Variants in CNBD2 observed in about 807,000 individuals in gnomAD.
The protein encoded by CNBD2 is cyclic nucleotide binding domain containing 2.
A neutral mutation model predicts 63.7 loss-of-function variants in CNBD2; 64 were observed. The observed-to-expected ratio is 1.00, with a 90% confidence interval of 0.82 to 1.24. The LOEUF (loss-of-function observed/expected upper bound fraction) is 1.24, where lower values mean the gene tolerates loss of function less well. CNBD2 is among the 50% of genes most tolerant of loss of function. The pLI, the probability that CNBD2 is intolerant of heterozygous loss-of-function variation, is 0.00. For missense variants in CNBD2, 691 were observed against 713.5 expected (o/e 0.97, Z 0.36); for synonymous variants, 229 against 255.4 (o/e 0.90, Z 0.99).
At chr20:36,019,529 GAAAA>G (rs60556168) in intron 10 of CNBD2, among the ~76,000 whole-genome samples, 1 of 71,722 alleles carries the variant, frequency 1.4e-5, no homozygotes, top group East Asian at 4.4e-4. Context: ...CTCAAAAAAA[GAAAA>G]AAAAAAAAAA....
At chr20:35,972,794 G>A (rs1408629890) in intron 2 of CNBD2, 28 bp downstream of exon 2, 2 of 1,612,288 alleles carry the variant, frequency 1.2e-6, no homozygotes, top group African/African-American at 2.7e-5. Flanking sequence ...GCAGGATTAT[G>A]AGGGCTCAAA....
At chr20:36,026,305 G>A (rs1193770348) in intron 11 of CNBD2, among the ~76,000 whole-genome samples, 1 of 152,108 alleles carries the variant, frequency 6.6e-6, no homozygotes, top group Admixed American at 6.6e-5. Context: ...CCAAAGTGCT[G>A]GGATTGCATG....
chr20:35,961,275 T>A (rs937466321), intron 2 of CNBD2, among the ~76,000 whole-genome samples: 18 of 152,274 alleles, frequency 1.2e-4, no homozygotes, highest in Non-Finnish European at 2.6e-4. Flanking sequence ...CTTCATTTGC[T>A]TTTTGCAGTC....
chr20:35,994,726 T>C (rs2056799192), intron 7 of CNBD2, among the ~76,000 whole-genome samples: 1 of 151,494 alleles, frequency 6.6e-6, no homozygotes, highest in Admixed American at 6.6e-5. Flanking sequence ...CCGTCTCTAC[T>C]AAAAATACAA....
chr20:36,004,322 T>TTCTG (rs1486206726), intron 8 of CNBD2, among the ~76,000 whole-genome samples: 2 of 152,014 alleles, frequency 1.3e-5, no homozygotes, highest in Non-Finnish European at 2.9e-5. Context: ...ATCTTTGGAG[T>TTCTG]TCTGTCTCTA....
At position 36,030,533 on chromosome 20, in the gene CNBD2, A is replaced by C. The variant is rs2057332439; in HGVS notation, c.1616A>C (p.Lys539Thr). The C allele has an allele frequency of 1.2e-6, 2 of 1,614,092 alleles. No individual in the cohort carries two copies. The highest frequency in any genetic ancestry group is 1.7e-6 in the Non-Finnish European group (2 of 1,180,054). ...SVVLDLCSIN[K>T]TTKPRYPIFM... ...GTCCTGGATTTGTGCAGCATCAACA[A>C]GACGACTAAACCTCGTTATCCTATT... Residue 539 changes from lysine (K) to threonine (T), a missense_variant, in exon 12 of 12, where the codon AAG becomes ACG. Lys to Thr is a moderately conservative substitution (Grantham distance 78). Coordinates refer to ENST00000373973, the MANE Select transcript of CNBD2 (RefSeq NM_001365709.1).
At chr20:35,954,947 C>G (rs1365671380) in exon 1 of CNBD2, 1 of 221,280 alleles carries the variant, frequency 4.5e-6, no homozygotes, top group African/African-American at 2.4e-5. Flanking sequence ...AAAGTCCTCT[C>G]GCTTGGTCAA....
At chr20:36,002,721 G>A (rs184474686) in intron 8 of CNBD2, among the ~76,000 whole-genome samples, 10 of 152,076 alleles carry the variant, frequency 6.6e-5, no homozygotes, top group African/African-American at 2.4e-4. Context: ...GTTGTGCCTT[G>A]GTATAATTTT....
At chr20:35,961,132 T>C (rs1300038878) in intron 2 of CNBD2, among the ~76,000 whole-genome samples, 1 of 152,092 alleles carries the variant, frequency 6.6e-6, no homozygotes, top group Admixed American at 6.5e-5. Flanking sequence ...ATTTTCACCA[T>C]GTTAGCCAGG....
chr20:36,026,904 G>A lies in CNBD2; in HGVS notation c.1439+3133G>A, dbSNP rs2057288865. The stretch of plus-strand genomic sequence containing the variant: ...CCTTCCACCTGATTAAGTGCTTCAG[G>A]AAGGCAAGGCTGTGCTTTATCCGCC... On this transcript the variant is annotated intron_variant, in intron 11 of 11. Transcript: ENST00000373973. 2.6e-5 allele frequency among the ~76,000 whole-genome samples: 4 copies of A among 152,338 alleles called. 1 individual carries two copies. In the Middle Eastern group the frequency reaches 0.01, roughly 389 times the overall value.
chr20:35,978,325 G>A (rs1237538859), intron 3 of CNBD2, among the ~76,000 whole-genome samples: 2 of 151,488 alleles, frequency 1.3e-5, no homozygotes, highest in Non-Finnish European at 2.9e-5. Context: ...CTGCAAGTGT[G>A]TGCCACTACG....
intron 9 of CNBD2, among the ~76,000 whole-genome samples, chr20:36,009,722 C>T (rs572917132): frequency 6.6e-6 from 1 of 152,136 alleles, no homozygotes; most frequent in African/African-American, 2.4e-5. Context: ...GTTCCAGCTA[C>T]TTGGGAGGCT....
upstream of CNBD2, among the ~76,000 whole-genome samples, chr20:35,966,716 C>T (rs2056347665): frequency 6.6e-6 from 1 of 152,080 alleles, no homozygotes; most frequent in Non-Finnish European, 1.5e-5. Context: ...GTTCCAGGGC[C>T]TCCAAGTTCT....
At chr20:35,991,937 A>G (rs1171078296) in intron 7 of CNBD2, among the ~76,000 whole-genome samples, 1 of 151,758 alleles carries the variant, frequency 6.6e-6, no homozygotes. Context: ...CTGGAGTGCA[A>G]TGGCACGATC....
intron 10 of CNBD2, 133 bp from the exon 11 acceptor site, chr20:36,023,469 G>A: frequency 1.4e-6 from 1 of 710,124 alleles, no homozygotes; most frequent in Non-Finnish European, 2.2e-6. Flanking sequence ...CTGAGATTTG[G>A]GCCATTGCAC....
rs569812502 is a variant in CNBD2, at chr20:35,962,230, A to T, written c.228+4456A>T. ...GCCTCCAGGAGCAGCTCTCAAGTGG[A>T]CAATTCTGAGGCATGCTCCCTGCAG... On this transcript the variant is annotated intron_variant, in intron 2 of 4. Transcript: ENST00000622112. Among the ~76,000 whole-genome samples the T allele has an allele frequency of 5.3e-5, 8 of 150,680 alleles. No individual in the cohort carries two copies. The South Asian group carries it at 1.7e-3, about 32-fold the overall frequency.
At chr20:35,996,364 G>A (rs2056824306) in intron 8 of CNBD2, among the ~76,000 whole-genome samples, 2 of 150,680 alleles carry the variant, frequency 1.3e-5, no homozygotes, top group Admixed American at 6.6e-5. Flanking sequence ...GGCTGTGAAT[G>A]TATGCGCACT....
chr20:35,994,981 TG>T, intron 7 of CNBD2, 56 bp from the exon 8 acceptor site: 1 of 1,183,894 alleles, frequency 8.4e-7, no homozygotes, highest in Non-Finnish European at 1.2e-6. Context: ...CTTCAAAGCC[TG>T]GCCTACCTGG....
At chr20:35,986,634 C>T (rs1404554771) in intron 6 of CNBD2, among the ~76,000 whole-genome samples, 1 of 152,164 alleles carries the variant, frequency 6.6e-6, no homozygotes, top group Non-Finnish European at 1.5e-5. Context: ...CTCTGGTGCC[C>T]TGACCTTAAC....
Sources: allele counts gnomAD v4.1 joint callset (sites outside exome capture counted in the v4.1 genomes callset), GRCh38; gene constraint gnomAD v4.1.1; transcripts MANE v1.5; gene names NCBI Gene and HGNC (gene_info 2026-07-23, HGNC 2026-07-21).